SCAPER: variants seen among roughly 807,000 people sequenced by gnomAD.
The protein encoded by SCAPER is S-phase cyclin A associated protein in the ER, also known as S phase cyclin A-associated protein in the endoplasmic reticulum.
SCAPER carries 98 observed loss-of-function variants against 182.2 expected under a neutral mutation model. The ratio of observed to expected loss-of-function variants is 0.54; its 90% CI spans 0.46 to 0.64. SCAPER has a LOEUF of 0.64. SCAPER is among the 30% of genes least tolerant of loss of function. SCAPER has a pLI of 0.00. For synonymous variants in SCAPER, 605 were observed against 564.6 expected, an observed-to-expected ratio of 1.07 and a Z score of -1.01; for missense variants, 1,432 against 1,690.0, an observed-to-expected ratio of 0.85 and a Z score of 2.68.
At chr15:76,798,493 A>G (rs2065504563) in intron 7 of SCAPER, among the ~76,000 whole-genome samples, 1 of 152,158 alleles carries the variant, frequency 6.6e-6, no homozygotes, top group Non-Finnish European at 1.5e-5. Flanking sequence ...AGAAAAAAAA[A>G]CATTTAAAGG....
intron 15 of SCAPER, among the ~76,000 whole-genome samples, chr15:76,746,616 A>C (rs114502806): frequency 6.6e-6 from 1 of 152,392 alleles, no homozygotes; most frequent in African/African-American, 2.4e-5. Context: ...CTTGTTTATG[A>C]AGAATCCAAA....
At chr15:76,773,344 G>C (rs1184486974) in intron 9 of SCAPER, among the ~76,000 whole-genome samples, 1 of 151,846 alleles carries the variant, frequency 6.6e-6, no homozygotes, top group Non-Finnish European at 1.5e-5. Context: ...AAAGTTCTAT[G>C]TACAGATTAT....
At chr15:76,640,113 C>T (rs530121306) in intron 21 of SCAPER, among the ~76,000 whole-genome samples, 1 of 152,222 alleles carries the variant, frequency 6.6e-6, no homozygotes, top group South Asian at 2.1e-4. Context: ...GTTACTGTGA[C>T]CGCTGCTACT....
At chr15:76,845,975 G>C (rs969472680) in intron 4 of SCAPER, among the ~76,000 whole-genome samples, 1 of 151,990 alleles carries the variant, frequency 6.6e-6, no homozygotes, top group African/African-American at 2.4e-5. Context: ...CAAACAGCAT[G>C]GTACTGGCAT....
intron 7 of SCAPER, among the ~76,000 whole-genome samples, chr15:76,797,777 C>T (rs1244875841): frequency 6.6e-6 from 1 of 152,066 alleles, no homozygotes; most frequent in Non-Finnish European, 1.5e-5. Flanking sequence ...TGTGTGTACC[C>T]ATGAAACAAA....
chr15:76,836,241 CA>C (rs2068941110), intron 5 of SCAPER, among the ~76,000 whole-genome samples: 1 of 151,932 alleles, frequency 6.6e-6, no homozygotes, highest in Non-Finnish European at 1.5e-5. Flanking sequence ...CATGTGGAAC[CA>C]AAAAAGAGCC....
intron 6 of SCAPER, among the ~76,000 whole-genome samples, chr15:76,802,076 A>T (rs948122450): frequency 4.6e-5 from 7 of 152,048 alleles, no homozygotes; most frequent in Non-Finnish European, 7.4e-5. Context: ...CAAAAAAAAA[A>T]ATTTTTTTTT....
chr15:76,366,086 TACACACACACACAC>T (rs59741618), intron 29 of SCAPER, among the ~76,000 whole-genome samples: 60,489 of 149,484 alleles, frequency 0.4, 13,717 homozygotes, highest in Middle Eastern at 0.55. Context: ...CTTACACACT[TACACACACACACAC>T]ACACACACAC....
rs185943078 is a variant in SCAPER at position 76,892,280 on chromosome 15, A to G, written c.-59-8404T>C. On this transcript the variant is annotated intron_variant, in intron 1 of 31. Transcript: ENST00000563290. ...AGGCATGGGCAAAGACTTCATGACTAAAACACCAAAAGCAATGGCAACAAA... is the reference window on the plus strand; with the variant it reads ...AGGCATGGGCAAAGACTTCATGACTGAAACACCAAAAGCAATGGCAACAAA... 5.5e-3 allele frequency among the ~76,000 whole-genome samples: 832 copies of G among 152,362 alleles called. 7 individuals are homozygous for G. The highest frequency in any genetic ancestry group is 0.019 in the African/African-American group (793 of 41,580).
intron 23 of SCAPER, among the ~76,000 whole-genome samples, chr15:76,562,875 A>G (rs566652500): frequency 2.0e-5 from 3 of 152,334 alleles, no homozygotes; most frequent in East Asian, 1.9e-4. Context: ...ACTGTGACAA[A>G]TTCATACAAT....
At chr15:76,524,822 GTTTA>G (rs2043083928) in intron 23 of SCAPER, among the ~76,000 whole-genome samples, 4 of 149,900 alleles carry the variant, frequency 2.7e-5, no homozygotes, top group Middle Eastern at 3.5e-3. Context: ...TGAATGGTAG[GTTTA>G]CATACAGGGA....
intron 21 of SCAPER, among the ~76,000 whole-genome samples, chr15:76,656,326 A>T (rs1469250918): frequency 6.6e-6 from 1 of 152,204 alleles, no homozygotes; most frequent in Non-Finnish European, 1.5e-5. Flanking sequence ...ATAGTAAAGG[A>T]TTCAATTCAA....
chr15:76,404,438 A>G, intron 27 of SCAPER, 86 bp downstream of exon 27: 1 of 1,329,148 alleles, frequency 7.5e-7, no homozygotes, highest in South Asian at 1.7e-5. Context: ...GACCACTTGA[A>G]TTCCTATGAA....
rs539260514 is a variant in SCAPER at position 76,897,537 on chromosome 15, C to T, written c.-60+7762G>A. ...CCTGGACAACATGGCAAAACCCCAT[C>T]GCTACCAAAAATACAAAAACTTAGC... is the stretch of plus-strand genomic sequence containing the variant. On this transcript the variant is annotated intron_variant, in intron 1 of 31. Coordinates refer to ENST00000563290, the MANE Select transcript of SCAPER (RefSeq NM_020843.4). Among the ~76,000 whole-genome samples the T allele has an allele frequency of 3.3e-5, 5 of 152,200 alleles. No individual in the cohort carries two copies. The East Asian group carries it at 7.7e-4, about 23-fold the overall frequency.
chr15:76,646,656 G>A (rs1231456143), intron 21 of SCAPER, among the ~76,000 whole-genome samples: 2 of 152,098 alleles, frequency 1.3e-5, no homozygotes, highest in African/African-American at 4.8e-5. Flanking sequence ...AACCTAAATT[G>A]CAGCAGCAAA....
chr15:76,435,555 C>T (rs956419522), intron 25 of SCAPER, among the ~76,000 whole-genome samples: 1 of 152,206 alleles, frequency 6.6e-6, no homozygotes, highest in Non-Finnish European at 1.5e-5. Context: ...AGGCCTACTA[C>T]ACAGCTCTAG....
chr15:76,870,115 G>C (rs1366791890), intron 2 of SCAPER, among the ~76,000 whole-genome samples: 1 of 151,980 alleles, frequency 6.6e-6, no homozygotes, highest in Non-Finnish European at 1.5e-5. Flanking sequence ...GGGGTGGGTG[G>C]GGATAAAAAG....
intron 21 of SCAPER, among the ~76,000 whole-genome samples, chr15:76,660,444 T>G (rs1203633326): frequency 6.6e-6 from 1 of 151,954 alleles, no homozygotes; most frequent in Non-Finnish European, 1.5e-5. Flanking sequence ...TCCCCTCTTC[T>G]CTAGGGGGAA....
chr15:76,793,516 T>C (rs994844801), intron 8 of SCAPER: 1 of 413,762 alleles, frequency 2.4e-6, no homozygotes, highest in Non-Finnish European at 4.3e-6. Flanking sequence ...CAATCATGCC[T>C]AGATAATGAA....
Sources: gnomAD v4.1 joint callset for allele counts (sites outside exome capture counted in the v4.1 genomes callset) on GRCh38, gnomAD v4.1.1 for gene constraint, MANE v1.5 for transcripts, NCBI Gene and HGNC (gene_info 2026-07-23, HGNC 2026-07-21) for gene names.